The following SCN11A variants were observed in gnomAD, a reference collection of about 807,000 sequenced individuals.
SCN11A encodes sodium channel protein type 11 subunit alpha.
A neutral mutation model predicts 162.2 loss-of-function variants in SCN11A; 122 were observed. That is an observed-to-expected ratio of 0.75 (90% CI 0.65 to 0.87). The LOEUF is 0.87. Among genes scored for constraint, SCN11A ranks in the 40% least tolerant of loss-of-function variants. The pLI is 0.00. For missense variants in SCN11A, 2,015 were observed against 2,181.6 expected, an observed-to-expected ratio of 0.92 and a Z score of 1.52; for synonymous variants, 758 against 751.5, an observed-to-expected ratio of 1.01 and a Z score of -0.14.
At chr3:38,949,814 C>G (rs1220250341) in intron 5 of SCN11A, among the ~76,000 whole-genome samples, 1 of 152,196 alleles carries the variant, frequency 6.6e-6, no homozygotes, top group Non-Finnish European at 1.5e-5. Flanking sequence ...TAGTCCAGTC[C>G]TCTTTCCAGA....
At chr3:39,050,853 A>G (rs2032334847) in intron 1 of SCN11A, among the ~76,000 whole-genome samples, 1 of 152,188 alleles carries the variant, frequency 6.6e-6, no homozygotes, top group African/African-American at 2.4e-5. Context: ...ACATATCTCA[A>G]CTGGAACTAG....
chr3:38,879,860 A>C, intron 23 of SCN11A, 90 bp downstream of exon 23: 1 of 961,690 alleles, frequency 1.0e-6, no homozygotes, highest in Non-Finnish European at 1.6e-6. Flanking sequence ...ACAGACATCC[A>C]TATGCGGCAC....
At chr3:38,872,963 T>G (rs1559499234) in intron 23 of SCN11A, among the ~76,000 whole-genome samples, 1 of 152,184 alleles carries the variant, frequency 6.6e-6, no homozygotes, top group Non-Finnish European at 1.5e-5. Context: ...AAAAAATAAA[T>G]TATTTGCTAA....
intron 2 of SCN11A, among the ~76,000 whole-genome samples, chr3:38,994,628 A>G (rs1015799749): frequency 1.3e-5 from 2 of 152,078 alleles, no homozygotes; most frequent in African/African-American, 4.8e-5. Context: ...ATCAAGGAGC[A>G]CTCCTGAGGA....
In SCN11A at chr3:39,002,015, C is replaced by T. The variant is rs965127509; in HGVS notation, c.-280+30365G>A. On this transcript the variant is annotated intron_variant, in intron 2 of 29. Coordinates refer to ENST00000302328, the MANE Select transcript of SCN11A (RefSeq NM_001349253.2). ...TGACGCCACTGCACTTCAGCCTGGG[C>T]GACAGAGTGAGACTCCGTCTCAAAA... Among the ~76,000 whole-genome samples, 5 of 151,362 alleles carry T rather than the reference C, an allele frequency of 3.3e-5. No individual in the cohort carries two copies. The East Asian group carries it at 9.7e-4, about 29-fold the overall frequency.
chr3:38,963,238 A>T lies in SCN11A; in HGVS notation c.-279-2815T>A, dbSNP rs562728115. ...GAAAAGAAGTCTTTATTAAAAAAAA[A>T]AATAATCTGTACATCCATGTTTGTA... On this transcript the variant is annotated intron_variant, in intron 2 of 29. Transcript: ENST00000302328. 2.7e-4 allele frequency among the ~76,000 whole-genome samples: 40 copies of T among 150,564 alleles called. No individual in the cohort carries two copies. In the South Asian group the frequency reaches 3.6e-3, roughly 13 times the overall value.
chr3:38,884,129 ATCT>A (rs1487280293), intron 21 of SCN11A, among the ~76,000 whole-genome samples: 3 of 152,076 alleles, frequency 2.0e-5, no homozygotes, highest in Non-Finnish European at 4.4e-5. Context: ...TCCTTTCCTC[ATCT>A]TCTTAAACCA....
intron 9 of SCN11A, among the ~76,000 whole-genome samples, chr3:38,924,732 C>T (rs963790529): frequency 3.9e-5 from 6 of 152,070 alleles, no homozygotes; most frequent in South Asian, 2.1e-4. Context: ...TGTTCTGAAA[C>T]TCCTGGCCTC....
At chr3:39,048,514 G>C (rs780200282) in intron 1 of SCN11A, among the ~76,000 whole-genome samples, 4 of 152,090 alleles carry the variant, frequency 2.6e-5, no homozygotes, top group Non-Finnish European at 4.4e-5. Context: ...AGCTAAAAGA[G>C]TGGATATTGA....
In SCN11A at chr3:39,046,958, C is replaced by T. The variant is rs541978285; in HGVS notation, c.-404+4903G>A. Among the ~76,000 whole-genome samples the T allele has an allele frequency of 2.2e-3, 332 of 150,016 alleles. 1 individual carries two copies. Among genetic ancestry groups the T allele is most frequent in the African/African-American group, 7.7e-3 (315 of 40,682 alleles). On this transcript the variant is annotated intron_variant, in intron 1 of 29. Coordinates refer to ENST00000302328, the MANE Select transcript of SCN11A (RefSeq NM_001349253.2). ...TTGGTCTTGAATTCCTGGGCTCAAGCGATCCACACACCTCAGCCTCCCAGA... is the reference window on the plus strand; with the variant it reads ...TTGGTCTTGAATTCCTGGGCTCAAGTGATCCACACACCTCAGCCTCCCAGA...
At chr3:38,937,363 T>C (rs1172143280) in intron 7 of SCN11A, among the ~76,000 whole-genome samples, 3 of 149,698 alleles carry the variant, frequency 2.0e-5, no homozygotes, top group Non-Finnish European at 4.5e-5. Context: ...AAAGCCAAAA[T>C]TGACAAATGG....
At chr3:39,012,486 CTT>C (rs112265845) in intron 2 of SCN11A, among the ~76,000 whole-genome samples, 14 of 121,312 alleles carry the variant, frequency 1.2e-4, no homozygotes, top group East Asian at 2.3e-4. Flanking sequence ...TTCTCTCTTT[CTT>C]TTTTTTTTTT....
intron 11 of SCN11A, among the ~76,000 whole-genome samples, chr3:38,916,321 A>G (rs1393288003): frequency 1.3e-5 from 2 of 152,064 alleles, no homozygotes; most frequent in African/African-American, 2.4e-5. Flanking sequence ...GCTAATATTG[A>G]TATGTCCTAG....
chr3:38,974,804 G>A (rs1038053626), intron 2 of SCN11A, among the ~76,000 whole-genome samples: 2 of 151,174 alleles, frequency 1.3e-5, no homozygotes, highest in African/African-American at 4.9e-5. Flanking sequence ...AATATTCGAA[G>A]TGTATTATAA....
chr3:38,885,288 C>T lies in SCN11A; in HGVS notation c.3064G>A (p.Gly1022Ser), dbSNP rs144070491. The change falls in exon 21 of 30, where the codon GGC becomes AGC. Residue 1022 changes from glycine (G) to serine (S), a missense_variant and splice_region_variant. Coordinates refer to ENST00000302328, the MANE Select transcript of SCN11A (RefSeq NM_001349253.2). Reference sequence around the variant, plus strand: ...TGGATGCAGAAATACTGCCACTTACCTTTGGGCAAACATCTCTCTGGTTGC... The same window carrying T: ...TGGATGCAGAAATACTGCCACTTACTTTTGGGCAAACATCTCTCTGGTTGC... ...KKQPERCLPK[G>S]FGCCFPCCSV... The T allele has an allele frequency of 9.5e-6, 15 of 1,581,744 alleles. No homozygotes were observed. The highest frequency in any genetic ancestry group is 1.2e-5 in the Non-Finnish European group (14 of 1,150,640).
rs754085424 is a variant in SCN11A at position 38,946,926 on chromosome 3, A to T, written c.268-19T>A. ...TAAATGTCTGCAAAACAAAAAAAAC[A>T]ATACAAGAAAACACACACATACACA... On this transcript the variant is annotated intron_variant, in intron 5 of 29. Transcript: ENST00000302328. The T allele has an allele frequency of 2.1e-6, 3 of 1,431,238 alleles. No homozygotes were observed. The South Asian group carries it at 3.6e-5, about 17-fold the overall frequency. The allele number at this position is 1,431,238 out of a possible 1,614,324, so 88.7% of individuals were successfully genotyped here.
At chr3:39,014,367 C>A (rs891280244) in intron 2 of SCN11A, among the ~76,000 whole-genome samples, 3 of 152,220 alleles carry the variant, frequency 2.0e-5, no homozygotes, top group Non-Finnish European at 4.4e-5. Context: ...ACAAAGTCAA[C>A]AAACTCTTGC....
chr3:38,989,986 C>T (rs1184843351), intron 2 of SCN11A, among the ~76,000 whole-genome samples: 1 of 152,140 alleles, frequency 6.6e-6, no homozygotes, highest in South Asian at 2.1e-4. Flanking sequence ...CCAGTTTGCA[C>T]CTTTCCAATA....
intron 11 of SCN11A, among the ~76,000 whole-genome samples, chr3:38,913,271 T>C (rs2065911274): frequency 6.6e-6 from 1 of 152,158 alleles, no homozygotes; most frequent in Non-Finnish European, 1.5e-5. Context: ...GTTGGCTGCA[T>C]GTAAGTCTTC....
Sources: gnomAD v4.1 joint callset for allele counts (sites outside exome capture counted in the v4.1 genomes callset) on GRCh38, gnomAD v4.1.1 for gene constraint, MANE v1.5 for transcripts, NCBI Gene and HGNC (gene_info 2026-07-23, HGNC 2026-07-21) for gene names.